Variants in PAWR observed in about 807,000 individuals in gnomAD.
The protein encoded by PAWR is PRKC apoptosis WT1 regulator protein.
PAWR carries 23 observed loss-of-function variants against 32.0 expected under a neutral mutation model. The ratio of observed to expected loss-of-function variants is 0.72; its 90% CI spans 0.52 to 1.02. The LOEUF is 1.02. Ranked by LOEUF, PAWR falls within the 50% of genes least tolerant of loss-of-function variation. The pLI is 0.00. For missense variants in PAWR, 457 were observed against 437.7 expected (o/e 1.04, Z -0.39); for synonymous variants, 226 against 187.1 (o/e 1.21, Z -1.70).
Position 79,689,449 on chromosome 12 carries a change from A to T in PAWR, c.516+280T>A, listed in dbSNP as rs547387243. ...CCAAGTCCAGGTGGGCAAGTCCTGG[A>T]GCCATAAGTTGTCTTTCTACCACGG... On this transcript the variant is annotated intron_variant, in intron 2 of 6. Coordinates refer to ENST00000328827, the MANE Select transcript of PAWR (RefSeq NM_002583.4). Among the ~76,000 whole-genome samples the T allele has an allele frequency of 2.0e-5, 3 of 152,296 alleles. No homozygotes were observed. In the East Asian group the frequency reaches 5.8e-4, roughly 30 times the overall value.
intron 2 of PAWR, among the ~76,000 whole-genome samples, chr12:79,625,760 C>A (rs1160789610): frequency 6.6e-6 from 1 of 151,674 alleles, no homozygotes; most frequent in Non-Finnish European, 1.5e-5. Flanking sequence ...GCAGAGCTTG[C>A]AGTGAGCCGA....
chr12:79,591,527 TAGA>T lies in PAWR; in HGVS notation c.*1077_*1079del, dbSNP rs1873555827. 6.6e-6 allele frequency: 1 copy of T among 152,102 alleles called. No homozygotes were observed. The highest frequency in any genetic ancestry group is 1.5e-5 in the Non-Finnish European group (1 of 68,000). 9.4% of individuals were successfully genotyped at this position (152,102 alleles called of 1,614,324 possible). On this transcript the variant is annotated 3_prime_UTR_variant, in exon 7 of 7. Transcript: ENST00000328827. ...AACAATTCTAAATAATAATATTTAA[TAGA>T]AGAAAAAATCTGTATAATTATTTAG...
At chr12:79,620,742 G>T (rs1260938814) in intron 3 of PAWR, among the ~76,000 whole-genome samples, 5 of 152,146 alleles carry the variant, frequency 3.3e-5, no homozygotes, top group African/African-American at 1.2e-4. Flanking sequence ...ACATGGAGTG[G>T]CAGTCTGGCC....
chr12:79,644,592 A>C (rs752651472), intron 2 of PAWR, among the ~76,000 whole-genome samples: 4 of 152,180 alleles, frequency 2.6e-5, no homozygotes, highest in Non-Finnish European at 5.9e-5. Flanking sequence ...AATAAACAAA[A>C]ACTTTCGTCA....
At chr12:79,621,603 T>C (rs973658226) in intron 2 of PAWR, among the ~76,000 whole-genome samples, 2 of 152,224 alleles carry the variant, frequency 1.3e-5, no homozygotes, top group African/African-American at 4.8e-5. Context: ...AATACATATA[T>C]ATAGATAGAT....
chr12:79,682,667 C>G (rs1260309539), intron 2 of PAWR, among the ~76,000 whole-genome samples: 2 of 152,148 alleles, frequency 1.3e-5, no homozygotes, highest in African/African-American at 2.4e-5. Flanking sequence ...CAATGTCGTT[C>G]AGCCATGGTG....
At chr12:79,663,739 C>T (rs929471544) in intron 2 of PAWR, among the ~76,000 whole-genome samples, 2 of 150,538 alleles carry the variant, frequency 1.3e-5, no homozygotes, top group Admixed American at 1.3e-4. Context: ...CCAGCCTGGG[C>T]AATGGAGTGA....
chr12:79,683,363 C>T (rs900503613), intron 2 of PAWR, among the ~76,000 whole-genome samples: 7 of 152,100 alleles, frequency 4.6e-5, no homozygotes, highest in African/African-American at 1.7e-4. Flanking sequence ...TTTCATTTGA[C>T]GGATCAGTAA....
chr12:79,624,817 T>G (rs1875200226), intron 2 of PAWR, among the ~76,000 whole-genome samples: 1 of 152,232 alleles, frequency 6.6e-6, no homozygotes, highest in African/African-American at 2.4e-5. Context: ...ACCTACCATA[T>G]TTTAATCAGA....
intron 2 of PAWR, among the ~76,000 whole-genome samples, chr12:79,670,078 A>T (rs1877815591): frequency 6.6e-6 from 1 of 152,214 alleles, no homozygotes; most frequent in South Asian, 2.1e-4. Context: ...AATGCTAAAA[A>T]TAGGTGGATG....
intron 4 of PAWR, among the ~76,000 whole-genome samples, chr12:79,606,064 ACT>A (rs951573767): frequency 6.6e-6 from 1 of 152,072 alleles, no homozygotes; most frequent in Non-Finnish European, 1.5e-5. Flanking sequence ...ACAGAGTGAG[ACT>A]CTGCCTAAAA....
chr12:79,619,509 G>C (rs1874899465), intron 3 of PAWR, among the ~76,000 whole-genome samples: 1 of 152,176 alleles, frequency 6.6e-6, no homozygotes, highest in Non-Finnish European at 1.5e-5. Context: ...AAATTGTAAG[G>C]AAGGAAAAAC....
intron 2 of PAWR, among the ~76,000 whole-genome samples, chr12:79,689,330 C>T (rs1423687952): frequency 6.6e-6 from 1 of 152,148 alleles, no homozygotes; most frequent in African/African-American, 2.4e-5. Context: ...GGTAACTTCA[C>T]ATGGGCACGT....
intron 4 of PAWR, among the ~76,000 whole-genome samples, chr12:79,602,040 G>A (rs1376352301): frequency 6.6e-6 from 1 of 152,084 alleles, no homozygotes; most frequent in Non-Finnish European, 1.5e-5. Flanking sequence ...TACATATTTT[G>A]TAATAGTTAA....
intron 2 of PAWR, among the ~76,000 whole-genome samples, chr12:79,630,859 A>T (rs926484084): frequency 8.7e-6 from 1 of 114,424 alleles, no homozygotes; most frequent in African/African-American, 7.0e-5. Flanking sequence ...TACCAAAACC[A>T]AAAAAAAAAA....
rs1233943884 is a variant in PAWR at position 79,591,251 on chromosome 12, T to C, written c.*1356A>G. 2 of 152,192 alleles carry C rather than the reference T, an allele frequency of 1.3e-5. No homozygotes were observed. Among genetic ancestry groups the C allele is most frequent in the Non-Finnish European group, 2.9e-5 (2 of 68,036 alleles). 9.4% of individuals were successfully genotyped at this position (152,192 alleles called of 1,614,324 possible). A position where few individuals can be genotyped will look rare whatever the true frequency, so the allele number is the denominator to read the frequency against. ...AATTCAACATTTGATTATCATTTACTCCACATTTTCCCCCAGCTGTCTCAC... is the reference window on the plus strand; with the variant it reads ...AATTCAACATTTGATTATCATTTACCCCACATTTTCCCCCAGCTGTCTCAC... On this transcript the variant is annotated 3_prime_UTR_variant, in exon 7 of 7. Transcript: ENST00000328827.
intron 2 of PAWR, among the ~76,000 whole-genome samples, chr12:79,682,223 C>T (rs184718872): frequency 3.3e-5 from 5 of 152,238 alleles, no homozygotes; most frequent in Admixed American, 3.3e-4. Context: ...GCAGTCACGG[C>T]TCACTGCAGG....
intron 4 of PAWR, among the ~76,000 whole-genome samples, chr12:79,607,073 A>T (rs1311921797): frequency 2.6e-5 from 4 of 152,206 alleles, no homozygotes; most frequent in African/African-American, 9.7e-5. Flanking sequence ...TAGAAAGGTC[A>T]CTGCTATTGC....
intron 2 of PAWR, among the ~76,000 whole-genome samples, chr12:79,636,359 T>C (rs1244385964): frequency 1.3e-5 from 2 of 152,112 alleles, no homozygotes; most frequent in East Asian, 1.9e-4. Context: ...TTCTAATATA[T>C]GGAGAAGAGT....
Sources: allele counts gnomAD v4.1 joint callset (sites outside exome capture counted in the v4.1 genomes callset), GRCh38; gene constraint gnomAD v4.1.1; transcripts MANE v1.5; gene names NCBI Gene and HGNC (gene_info 2026-07-23, HGNC 2026-07-21).